Variants in PCDH15 observed in about 807,000 individuals in gnomAD.
PCDH15 encodes protocadherin related 15.
In PCDH15, 129 loss-of-function variants were observed where a neutral mutation model predicts 178.5. The observed-to-expected ratio is 0.72, with a 90% CI of 0.63 to 0.84. The LOEUF is 0.84. PCDH15 is among the 40% of genes least tolerant of loss of function. PCDH15 has a pLI of 0.00. For missense variants in PCDH15, 2,230 were observed against 2,099.9 expected, an observed-to-expected ratio of 1.06 and a Z score of -1.21; for synonymous variants, 800 against 732.0, an observed-to-expected ratio of 1.09 and a Z score of -1.50.
chr10:54,334,367 C>G (rs933723514), intron 6 of PCDH15, among the ~76,000 whole-genome samples: 3 of 152,148 alleles, frequency 2.0e-5, no homozygotes, highest in Non-Finnish European at 4.4e-5. Context: ...TGTTGAGGCT[C>G]TAGCAACTCT....
chr10:55,125,338 T>A (rs1335585407), intron 2 of PCDH15, among the ~76,000 whole-genome samples: 1 of 152,010 alleles, frequency 6.6e-6, no homozygotes, highest in Non-Finnish European at 1.5e-5. Flanking sequence ...TGTAAAGGGT[T>A]TAGGCATTAA....
chr10:55,441,407 A>G (rs1056332412), intron 2 of PCDH15, among the ~76,000 whole-genome samples: 4 of 152,198 alleles, frequency 2.6e-5, no homozygotes, highest in Admixed American at 6.5e-5. Context: ...ATTGTCTGTT[A>G]CAGACACTGG....
chr10:55,007,182 T>C (rs888248193), intron 2 of PCDH15, among the ~76,000 whole-genome samples: 1 of 152,164 alleles, frequency 6.6e-6, no homozygotes, highest in Admixed American at 6.5e-5. Context: ...GAGAGTCAAT[T>C]ACACCTCTTT....
At chr10:54,982,386 G>C (rs1259270545) in intron 2 of PCDH15, among the ~76,000 whole-genome samples, 4 of 152,088 alleles carry the variant, frequency 2.6e-5, no homozygotes, top group East Asian at 1.9e-4. Flanking sequence ...GCTTCAAAAA[G>C]AGTCAAAGTT....
intron 8 of PCDH15, among the ~76,000 whole-genome samples, chr10:54,278,498 A>G (rs2058476015): frequency 6.6e-6 from 1 of 151,630 alleles, no homozygotes; most frequent in Non-Finnish European, 1.5e-5. Flanking sequence ...TGGGTAAATT[A>G]TGTCTACTCC....
intron 13 of PCDH15, among the ~76,000 whole-genome samples, chr10:54,168,658 G>T (rs1016485480): frequency 2.0e-4 from 31 of 152,166 alleles, no homozygotes; most frequent in African/African-American, 7.5e-4. Context: ...ATCAGATAGC[G>T]TTTAGGCTCT....
At chr10:55,289,815 T>C (rs77319240) in intron 1 of PCDH15, among the ~76,000 whole-genome samples, 2,283 of 152,134 alleles carry the variant, frequency 0.015, 62 homozygotes, top group African/African-American at 0.051. Context: ...AGGGTGGAGC[T>C]CTTGTGAATG....
chr10:55,374,906 G>A (rs919159190), intron 2 of PCDH15, among the ~76,000 whole-genome samples: 4 of 151,602 alleles, frequency 2.6e-5, no homozygotes, highest in Admixed American at 1.3e-4. Context: ...TAAAAATAGA[G>A]TAGAAAGGAA....
At chr10:54,376,981 T>C (rs552751703) in intron 4 of PCDH15, among the ~76,000 whole-genome samples, 1 of 152,018 alleles carries the variant, frequency 6.6e-6, no homozygotes, top group Non-Finnish European at 1.5e-5. Flanking sequence ...AAAAATCTCT[T>C]ATTTATTCAT....
intron 2 of PCDH15, among the ~76,000 whole-genome samples, chr10:54,551,584 T>G (rs983232642): frequency 3.9e-5 from 6 of 152,162 alleles, no homozygotes; most frequent in Non-Finnish European, 8.8e-5. Context: ...TACTTTGGTG[T>G]ACAATGTCCC....
intron 1 of PCDH15, among the ~76,000 whole-genome samples, chr10:55,283,249 C>G (rs141502549): frequency 1.5e-3 from 235 of 152,084 alleles, no homozygotes; most frequent in Admixed American, 4.6e-3. Flanking sequence ...GTCTCGTGGC[C>G]CTTACCCAAG....
chr10:53,993,366 G>A (rs2091648039), intron 21 of PCDH15, among the ~76,000 whole-genome samples: 2 of 152,150 alleles, frequency 1.3e-5, no homozygotes, highest in Admixed American at 6.5e-5. Flanking sequence ...CAGGCTTAGA[G>A]TTAGACATGA....
chr10:54,745,817 A>G (rs921641025), intron 1 of PCDH15, among the ~76,000 whole-genome samples: 2 of 152,182 alleles, frequency 1.3e-5, no homozygotes, highest in African/African-American at 4.8e-5. Context: ...AACAGTTTCC[A>G]AATGTCTGGG....
intron 2 of PCDH15, among the ~76,000 whole-genome samples, chr10:55,461,766 T>C (rs921407015): frequency 3.9e-5 from 6 of 152,148 alleles, no homozygotes. Context: ...TAATTTTCAA[T>C]GGCTTCTAGG....
chr10:54,038,408 G>T (rs1327942347), intron 18 of PCDH15, among the ~76,000 whole-genome samples: 2 of 151,834 alleles, frequency 1.3e-5, no homozygotes. Context: ...CAACATTTTT[G>T]GAGGGCAAAG....
intron 2 of PCDH15, among the ~76,000 whole-genome samples, chr10:55,336,034 T>C (rs986019192): frequency 6.8e-6 from 1 of 147,214 alleles, no homozygotes; most frequent in Admixed American, 7.2e-5. Context: ...TTGGCCCAGA[T>C]AGTTCTTTGT....
At chr10:54,966,465 G>A (rs1487437093) in intron 2 of PCDH15, among the ~76,000 whole-genome samples, 1 of 151,972 alleles carries the variant, frequency 6.6e-6, no homozygotes, top group Non-Finnish European at 1.5e-5. Context: ...AGGTTACATG[G>A]TATAGCCTAT....
intron 2 of PCDH15, among the ~76,000 whole-genome samples, chr10:54,909,963 T>A (rs1310178547): frequency 6.6e-6 from 1 of 152,038 alleles, no homozygotes; most frequent in African/African-American, 2.4e-5. Context: ...TTCTCCCCGT[T>A]TTCCTGGTGG....
chr10:54,792,383 G>T (rs1364935720), intron 1 of PCDH15, among the ~76,000 whole-genome samples: 1 of 151,856 alleles, frequency 6.6e-6, no homozygotes, highest in Non-Finnish European at 1.5e-5. Flanking sequence ...ATCTACTCAA[G>T]GAGCTGTGAT....
Sources: allele counts gnomAD v4.1 joint callset (sites outside exome capture counted in the v4.1 genomes callset), GRCh38; gene constraint gnomAD v4.1.1; transcripts MANE v1.5; gene names NCBI Gene and HGNC (gene_info 2026-07-23, HGNC 2026-07-21).